The following LUZP2 variants were observed in gnomAD, a reference collection of about 807,000 sequenced individuals.
The protein encoded by LUZP2 is leucine zipper protein 2.
Under a neutral mutation model 51.6 loss-of-function variants are expected in LUZP2, and 52 were observed. That is an observed-to-expected ratio of 1.01 (90% CI 0.81 to 1.27). The LOEUF is 1.27. Ranked by LOEUF, LUZP2 falls within the 50% of genes most tolerant of loss-of-function variation. The pLI, the probability that LUZP2 is intolerant of heterozygous loss-of-function variation, is 0.00. For synonymous variants in LUZP2, 154 were observed against 137.3 expected, an observed-to-expected ratio of 1.12 and a Z score of -0.85; for missense variants, 436 against 395.4, an observed-to-expected ratio of 1.10 and a Z score of -0.87.
At chr11:24,567,496 G>A (rs547695911) in intron 1 of LUZP2, among the ~76,000 whole-genome samples, 1 of 151,830 alleles carries the variant, frequency 6.6e-6, no homozygotes, top group South Asian at 2.1e-4. Context: ...TTTCAAGTAG[G>A]ATAAACTCAA....
chr11:24,751,571 C>T (rs961672472), intron 4 of LUZP2: 6 of 982,378 alleles, frequency 6.1e-6, no homozygotes, highest in South Asian at 9.4e-5. Context: ...GTAGTACCCA[C>T]CCCATCTCCC....
intron 1 of LUZP2, among the ~76,000 whole-genome samples, chr11:24,598,211 CT>C (rs1218793312): frequency 2.6e-5 from 4 of 151,880 alleles, no homozygotes; most frequent in African/African-American, 9.7e-5. Flanking sequence ...GGACCATCCC[CT>C]GGGAATGAGA....
chr11:25,067,466 C>G (rs1014756741), intron 10 of LUZP2, among the ~76,000 whole-genome samples: 6 of 151,972 alleles, frequency 3.9e-5, no homozygotes, highest in African/African-American at 1.4e-4. Flanking sequence ...TGCCTAAGTC[C>G]TGAATGGTAT....
chr11:24,907,091 G>T (rs933595577), intron 6 of LUZP2, among the ~76,000 whole-genome samples: 1 of 152,102 alleles, frequency 6.6e-6, no homozygotes, highest in Non-Finnish European at 1.5e-5. Flanking sequence ...TGAAGCACAA[G>T]CGTTGCTTCT....
chr11:24,835,753 A>G lies in LUZP2; in HGVS notation c.397-70238A>G, dbSNP rs11028205. Among the ~76,000 whole-genome samples, 978 of 152,174 alleles carry G rather than the reference A, an allele frequency of 6.4e-3. 42 individuals are homozygous for G. The East Asian group carries it at 0.13, about 20-fold the overall frequency. On this transcript the variant is annotated intron_variant, in intron 5 of 11. Transcript: ENST00000336930. ...TGAGAAATGTTGTAATTATTAAGAA[A>G]TTTGGTATTAGCAATCTCAGTCTCC...
chr11:24,682,496 GA>G (rs528354724), intron 1 of LUZP2, among the ~76,000 whole-genome samples: 103 of 116,270 alleles, frequency 8.9e-4, no homozygotes, highest in East Asian at 2.3e-3. Flanking sequence ...CTCCACCTTG[GA>G]AAAAAAAAAA....
intron 1 of LUZP2, among the ~76,000 whole-genome samples, chr11:24,598,838 A>C (rs1853530199): frequency 6.6e-6 from 1 of 152,190 alleles, no homozygotes. Flanking sequence ...ACAATTCCAA[A>C]GATAGGCTTG....
rs564274628 is a variant in LUZP2 at position 24,607,826 on chromosome 11, T to G, written c.62+110521T>G. ...CATCTGTTGGTACATCTATCTCTAT[T>G]TTATTTTTTTTTTTCATTTTTTATT... On this transcript the variant is annotated intron_variant, in intron 1 of 11. Transcript: ENST00000336930. Among the ~76,000 whole-genome samples, 10 of 124,584 alleles carry G rather than the reference T, an allele frequency of 8.0e-5. No individual in the cohort carries two copies. In the South Asian group the frequency reaches 2.4e-3, roughly 30 times the overall value. The allele number at this position is 124,584 out of a possible 152,430, so 81.7% of individuals were successfully genotyped here.
chr11:24,638,132 T>A (rs1855166350), intron 1 of LUZP2, among the ~76,000 whole-genome samples: 1 of 151,904 alleles, frequency 6.6e-6, no homozygotes, highest in Non-Finnish European at 1.5e-5. Flanking sequence ...AAAATCATTT[T>A]ATTTAACTTA....
At chr11:24,519,494 G>T (rs551133241) in intron 1 of LUZP2, among the ~76,000 whole-genome samples, 1 of 152,158 alleles carries the variant, frequency 6.6e-6, no homozygotes, top group African/African-American at 2.4e-5. Context: ...AAGAAAATAA[G>T]TATGAGATCT....
intron 1 of LUZP2, among the ~76,000 whole-genome samples, chr11:24,675,993 A>G (rs1265400457): frequency 1.3e-5 from 2 of 151,498 alleles, no homozygotes; most frequent in African/African-American, 4.9e-5. Flanking sequence ...TAATTTTTGT[A>G]TTTTTAGTAG....
At chr11:24,722,848 T>C (rs892894734) in intron 1 of LUZP2, among the ~76,000 whole-genome samples, 1 of 151,298 alleles carries the variant, frequency 6.6e-6, no homozygotes, top group Non-Finnish European at 1.5e-5. Flanking sequence ...CCTCAGGACG[T>C]GGAGGTTGCA....
intron 1 of LUZP2, among the ~76,000 whole-genome samples, chr11:24,656,115 GAAACAGAAATAGGTAACTCA>G (rs1165133748): frequency 1.3e-5 from 2 of 152,144 alleles, no homozygotes; most frequent in African/African-American, 4.8e-5. Flanking sequence ...TATCATTCCT[GAAACAGAAATAGGTAACTCA>G]AAATGAAGTT....
In LUZP2 at chr11:24,595,456, C is replaced by T. The variant is rs374742280; in HGVS notation, c.62+98151C>T. Reference sequence around the variant, plus strand: ...AGTAATAACTCAAATTCATTCTCTTCGGGGGCAAAGCGCTCTATGAGAAAT... The same window carrying T: ...AGTAATAACTCAAATTCATTCTCTTTGGGGGCAAAGCGCTCTATGAGAAAT... On this transcript the variant is annotated intron_variant, in intron 1 of 11. Transcript: ENST00000336930. Among the ~76,000 whole-genome samples, 30 of 152,224 alleles carry T rather than the reference C, an allele frequency of 2.0e-4. No homozygotes were observed. The East Asian group carries it at 2.1e-3, about 11-fold the overall frequency.
In LUZP2 at chr11:24,911,034, T is replaced by G. The variant is rs187413551; in HGVS notation, c.460-3442T>G. On this transcript the variant is annotated intron_variant, in intron 6 of 11. Transcript: ENST00000336930. ...AGACATGGAGTCAAAGGAGATAATT[T>G]TGGAACTTTAAGGTTTAATGACTGC... 8.5e-4 allele frequency among the ~76,000 whole-genome samples: 130 copies of G among 152,256 alleles called. 2 individuals are homozygous for G. Among genetic ancestry groups the G allele is most frequent in the African/African-American group, 3.1e-3 (129 of 41,566 alleles).
At chr11:24,720,812 C>G (rs1858238532) in intron 1 of LUZP2, among the ~76,000 whole-genome samples, 1 of 152,202 alleles carries the variant, frequency 6.6e-6, no homozygotes, top group African/African-American at 2.4e-5. Flanking sequence ...CATTGTCCTG[C>G]CTCAGCCTCT....
intron 1 of LUZP2, among the ~76,000 whole-genome samples, chr11:24,628,084 C>T (rs780670355): frequency 5.3e-5 from 8 of 152,060 alleles, no homozygotes; most frequent in Non-Finnish European, 1.2e-4. Context: ...AAAATATTCT[C>T]TGGAAGGAGC....
intron 1 of LUZP2, among the ~76,000 whole-genome samples, chr11:24,665,770 T>G (rs545942190): frequency 3.9e-4 from 60 of 152,236 alleles, no homozygotes; most frequent in African/African-American, 1.4e-3. Context: ...ATTTGCTGAG[T>G]ACCACCGCCC....
chr11:24,579,466 A>G (rs542722759), intron 1 of LUZP2, among the ~76,000 whole-genome samples: 277 of 152,234 alleles, frequency 1.8e-3, no homozygotes, highest in Middle Eastern at 6.8e-3. Flanking sequence ...TATAGAGCAT[A>G]GAAGCCCACC....
Sources: gnomAD v4.1 joint callset for allele counts (sites outside exome capture counted in the v4.1 genomes callset) on GRCh38, gnomAD v4.1.1 for gene constraint, MANE v1.5 for transcripts, NCBI Gene and HGNC (gene_info 2026-07-23, HGNC 2026-07-21) for gene names.